The following RPH3A variants were observed in gnomAD, a reference collection of about 807,000 sequenced individuals.
RPH3A encodes the protein rabphilin-3A.
RPH3A carries 48 observed loss-of-function variants against 102.2 expected under a neutral mutation model. The observed-to-expected ratio is 0.47, with a 90% CI of 0.37 to 0.60. RPH3A has a LOEUF of 0.60. RPH3A is among the 20% of genes least tolerant of loss of function. The pLI is 0.00. For synonymous variants in RPH3A, 310 were observed against 324.3 expected (o/e 0.96, Z 0.47); for missense variants, 781 against 910.1 (o/e 0.86, Z 1.83).
At chr12:112,631,288 G>A (rs1417397347) in intron 1 of RPH3A, among the ~76,000 whole-genome samples, 1 of 152,040 alleles carries the variant, frequency 6.6e-6, no homozygotes, top group Non-Finnish European at 1.5e-5. Context: ...GTGAAATGGA[G>A]GCAGGGCTCG....
intron 2 of RPH3A, among the ~76,000 whole-genome samples, chr12:112,806,635 T>TTA (rs147366367): frequency 0.045 from 6,579 of 146,782 alleles, 460 homozygotes; most frequent in African/African-American, 0.16. Context: ...TCTCAAAAAT[T>TTA]AAAAAAAAAA....
At chr12:112,829,752 A>G (rs1434590911) in intron 3 of RPH3A, among the ~76,000 whole-genome samples, 1 of 152,238 alleles carries the variant, frequency 6.6e-6, no homozygotes, top group Admixed American at 6.5e-5. Flanking sequence ...TTTAAATCAC[A>G]AATGGATGTA....
chr12:112,675,957 G>C (rs2040171093), intron 1 of RPH3A, among the ~76,000 whole-genome samples: 1 of 152,160 alleles, frequency 6.6e-6, no homozygotes, highest in Non-Finnish European at 1.5e-5. Context: ...TGAGGCTTGT[G>C]GGACAGAGAA....
chr12:112,666,623 C>T (rs1394687568), intron 1 of RPH3A, among the ~76,000 whole-genome samples: 1 of 152,026 alleles, frequency 6.6e-6, no homozygotes, highest in East Asian at 1.9e-4. Context: ...TCAAAGCAAA[C>T]TGAATTAAAA....
intron 1 of RPH3A, among the ~76,000 whole-genome samples, chr12:112,753,780 TC>T (rs1169403993): frequency 1.3e-5 from 2 of 152,180 alleles, no homozygotes; most frequent in African/African-American, 2.4e-5. Context: ...ACAATGGTCC[TC>T]CAAAGATGTC....
At chr12:112,829,603 A>T (rs1451399732) in intron 3 of RPH3A, among the ~76,000 whole-genome samples, 1 of 152,154 alleles carries the variant, frequency 6.6e-6, no homozygotes, top group African/African-American at 2.4e-5. Flanking sequence ...ATTTTTCCTT[A>T]TTGGAGAGCA....
intron 1 of RPH3A, among the ~76,000 whole-genome samples, chr12:112,580,070 G>A (rs1566215109): frequency 6.6e-6 from 1 of 152,146 alleles, no homozygotes; most frequent in Non-Finnish European, 1.5e-5. Flanking sequence ...GATAGAGAGA[G>A]GAACAAAAAC....
intron 1 of RPH3A, among the ~76,000 whole-genome samples, chr12:112,657,201 A>T (rs1428765572): frequency 1.3e-5 from 2 of 151,972 alleles, no homozygotes; most frequent in Non-Finnish European, 2.9e-5. Flanking sequence ...AGTGATGTTG[A>T]GCATTTTTTC....
At chr12:112,871,252 A>G (rs546035687) in intron 10 of RPH3A, among the ~76,000 whole-genome samples, 3 of 152,356 alleles carry the variant, frequency 2.0e-5, no homozygotes, top group East Asian at 3.9e-4. Flanking sequence ...TCAGTGGTGT[A>G]AAGTACATTC....
intron 1 of RPH3A, among the ~76,000 whole-genome samples, chr12:112,724,272 C>G (rs1667926276): frequency 6.6e-6 from 1 of 151,930 alleles, no homozygotes; most frequent in African/African-American, 2.4e-5. Context: ...ACTATGTTGC[C>G]CAGGCTGCTT....
At chr12:112,794,761 C>T (rs1333135781) in intron 2 of RPH3A, among the ~76,000 whole-genome samples, 1 of 152,144 alleles carries the variant, frequency 6.6e-6, no homozygotes, top group Non-Finnish European at 1.5e-5. Context: ...CCCAAGACCA[C>T]ACAGTAAGTT....
intron 1 of RPH3A, among the ~76,000 whole-genome samples, chr12:112,768,865 T>C (rs1275694265): frequency 6.6e-6 from 1 of 152,100 alleles, no homozygotes; most frequent in African/African-American, 2.4e-5. Context: ...TGAGCCATGA[T>C]TGCTCCACTG....
At chr12:112,733,343 T>C (rs1197480377) in intron 1 of RPH3A, among the ~76,000 whole-genome samples, 1 of 152,096 alleles carries the variant, frequency 6.6e-6, no homozygotes, top group Admixed American at 6.5e-5. Context: ...CACACACACA[T>C]ACAGCATTAA....
At chr12:112,662,585 G>A (rs1362037681) in intron 1 of RPH3A, among the ~76,000 whole-genome samples, 1 of 152,160 alleles carries the variant, frequency 6.6e-6, no homozygotes, top group Non-Finnish European at 1.5e-5. Flanking sequence ...GGGCCAGTTA[G>A]CAATTATTTT....
intron 1 of RPH3A, among the ~76,000 whole-genome samples, chr12:112,580,631 C>A (rs2039393985): frequency 6.6e-6 from 1 of 151,954 alleles, no homozygotes; most frequent in African/African-American, 2.4e-5. Flanking sequence ...TGGTCTCGAT[C>A]TCCTGACCTC....
intron 1 of RPH3A, among the ~76,000 whole-genome samples, chr12:112,716,049 T>A (rs887621578): frequency 4.6e-5 from 7 of 152,216 alleles, no homozygotes; most frequent in African/African-American, 1.7e-4. Context: ...GAGTGTTTCT[T>A]AGCATGCTAA....
At chr12:112,768,183 G>A (rs563995159) in intron 1 of RPH3A, among the ~76,000 whole-genome samples, 42 of 152,254 alleles carry the variant, frequency 2.8e-4, no homozygotes, top group African/African-American at 9.6e-4. Flanking sequence ...CACGGTAACC[G>A]CATGATAAAC....
chr12:112,788,966 C>T (rs2041069162), upstream of RPH3A, among the ~76,000 whole-genome samples: 1 of 152,138 alleles, frequency 6.6e-6, no homozygotes, highest in Admixed American at 6.5e-5. Flanking sequence ...CGAGACCAGC[C>T]TGACCAACAT....
intron 2 of RPH3A, among the ~76,000 whole-genome samples, chr12:112,819,972 G>T (rs78303530): frequency 6.6e-6 from 1 of 152,180 alleles, no homozygotes; most frequent in Non-Finnish European, 1.5e-5. Context: ...TTCAGATTCC[G>T]TGGGTGGGGA....
Sources: gnomAD v4.1 joint callset for allele counts (sites outside exome capture counted in the v4.1 genomes callset) on GRCh38, gnomAD v4.1.1 for gene constraint, MANE v1.5 for transcripts, NCBI Gene and HGNC (gene_info 2026-07-23, HGNC 2026-07-21) for gene names.